Variants in WWOX observed in about 807,000 individuals in gnomAD.
The protein encoded by WWOX is WW domain containing oxidoreductase.
In WWOX, 69 loss-of-function variants were observed where a neutral mutation model predicts 46.2. The observed-to-expected ratio is 1.49, with a 90% confidence interval of 1.23 to 1.82. WWOX has a LOEUF of 1.82. WWOX is among the 40% of genes most tolerant of loss of function. The pLI, the probability that WWOX is intolerant of heterozygous loss-of-function variation, is 0.00. For missense variants in WWOX, 919 were observed against 542.6 expected (o/e 1.69, Z -6.89); for synonymous variants, 359 against 202.6 (o/e 1.77, Z -6.56).
chr16:78,768,936 T>A (rs922064711), intron 8 of WWOX, among the ~76,000 whole-genome samples: 2 of 151,968 alleles, frequency 1.3e-5, no homozygotes, highest in African/African-American at 4.8e-5. Flanking sequence ...AGGAGGACGG[T>A]TTCCATTCTG....
intron 8 of WWOX, among the ~76,000 whole-genome samples, chr16:78,793,745 C>T (rs1295464492): frequency 6.6e-6 from 1 of 151,756 alleles, no homozygotes; most frequent in Non-Finnish European, 1.5e-5. Flanking sequence ...ATAAACATTG[C>T]CTAGAAGGGT....
At chr16:79,117,918 T>C (rs1451016093) in intron 8 of WWOX, among the ~76,000 whole-genome samples, 1 of 152,252 alleles carries the variant, frequency 6.6e-6, no homozygotes, top group African/African-American at 2.4e-5. Flanking sequence ...GGTTTGATCC[T>C]GTATCCAAAC....
chr16:78,870,673 C>G (rs60750090), intron 8 of WWOX, among the ~76,000 whole-genome samples: 132 of 152,266 alleles, frequency 8.7e-4, no homozygotes, highest in African/African-American at 3.1e-3. Flanking sequence ...GCGATCTTGC[C>G]TCACGGCAAC....
intron 8 of WWOX, among the ~76,000 whole-genome samples, chr16:78,436,279 A>G (rs1337658432): frequency 6.6e-6 from 1 of 152,040 alleles, no homozygotes; most frequent in African/African-American, 2.4e-5. Flanking sequence ...GGCCCCAAAG[A>G]CTCAGGGAGA....
At chr16:79,199,351 T>C (rs1461048789) in intron 8 of WWOX, among the ~76,000 whole-genome samples, 1 of 152,172 alleles carries the variant, frequency 6.6e-6, no homozygotes, top group Non-Finnish European at 1.5e-5. Flanking sequence ...GTGTGAGCCA[T>C]GGTGCCAGGC....
intron 8 of WWOX, among the ~76,000 whole-genome samples, chr16:78,468,105 G>C (rs1338662460): frequency 2.0e-5 from 3 of 152,104 alleles, no homozygotes; most frequent in African/African-American, 7.2e-5. Flanking sequence ...ATTGCCCTCT[G>C]GGAATGTTCA....
intron 8 of WWOX, chr16:79,204,108 G>C (rs1158033310): frequency 6.6e-6 from 1 of 151,892 alleles, no homozygotes; most frequent in Non-Finnish European, 1.5e-5. Flanking sequence ...ACTTCTGCTT[G>C]GCTATTTCAA....
At chr16:79,128,149 A>C (rs1357054159) in intron 8 of WWOX, among the ~76,000 whole-genome samples, 1 of 152,144 alleles carries the variant, frequency 6.6e-6, no homozygotes, top group Non-Finnish European at 1.5e-5. Context: ...ATTTAAGAAG[A>C]AGACAATGGC....
chr16:78,315,847 A>G (rs1226950094), intron 5 of WWOX, among the ~76,000 whole-genome samples: 20 of 152,114 alleles, frequency 1.3e-4, no homozygotes, highest in Admixed American at 1.3e-3. Context: ...AGAAGATAAG[A>G]AAAATCACCA....
chr16:78,465,988 A>G (rs903116364), intron 8 of WWOX, among the ~76,000 whole-genome samples: 1 of 151,586 alleles, frequency 6.6e-6, no homozygotes, highest in Non-Finnish European at 1.5e-5. Flanking sequence ...GGCGGGGAGT[A>G]TGGAAAGCCT....
intron 8 of WWOX, among the ~76,000 whole-genome samples, chr16:78,453,452 TGATTTAAGATGG>T (rs2083740351): frequency 6.6e-6 from 1 of 151,916 alleles, no homozygotes; most frequent in African/African-American, 2.4e-5. Flanking sequence ...CTTATTCAGT[TGATTTAAGATGG>T]TTTATAAAGA....
chr16:78,548,358 A>G (rs973744627), intron 8 of WWOX, among the ~76,000 whole-genome samples: 4 of 151,878 alleles, frequency 2.6e-5, no homozygotes, highest in African/African-American at 9.7e-5. Context: ...AAAAATCCAG[A>G]TTGCTTAGAA....
chr16:78,296,539 C>G (rs550009229), intron 5 of WWOX, among the ~76,000 whole-genome samples: 2 of 150,606 alleles, frequency 1.3e-5, no homozygotes, highest in Non-Finnish European at 3.0e-5. Context: ...TTTTCATTTT[C>G]TAAAATTACA....
chr16:79,183,413 T>C (rs2050951332), intron 8 of WWOX, among the ~76,000 whole-genome samples: 1 of 152,198 alleles, frequency 6.6e-6, no homozygotes, highest in African/African-American at 2.4e-5. Flanking sequence ...GCAGATGACG[T>C]TCAGAACTGC....
intron 8 of WWOX, among the ~76,000 whole-genome samples, chr16:79,115,495 C>G (rs1323902199): frequency 6.6e-6 from 1 of 152,144 alleles, no homozygotes; most frequent in Non-Finnish European, 1.5e-5. Flanking sequence ...GTCTTTGAGC[C>G]TTTTAGCAGC....
chr16:78,414,154 A>G (rs1330022519), intron 6 of WWOX, among the ~76,000 whole-genome samples: 1 of 151,342 alleles, frequency 6.6e-6, no homozygotes, highest in African/African-American at 2.4e-5. Context: ...TGCCTGCAAG[A>G]CAAAACCCCC....
chr16:79,015,785 C>G (rs374203961), intron 8 of WWOX, among the ~76,000 whole-genome samples: 11 of 151,816 alleles, frequency 7.2e-5, no homozygotes, highest in African/African-American at 2.4e-4. Context: ...CAGACTGTCG[C>G]TCTGTCGCCA....
intron 8 of WWOX, among the ~76,000 whole-genome samples, chr16:78,631,537 A>ACTC (rs2151659708): frequency 7.8e-6 from 1 of 128,534 alleles, no homozygotes; most frequent in East Asian, 2.5e-4. Context: ...GTGTTAAAAT[A>ACTC]TTCTTTTTTT....
intron 8 of WWOX, among the ~76,000 whole-genome samples, chr16:78,441,830 T>A (rs777713076): frequency 9.9e-5 from 15 of 152,040 alleles, no homozygotes; most frequent in Non-Finnish European, 1.8e-4. Context: ...GCAGTAGAAA[T>A]TAAAGATTAT....
Sources: allele counts gnomAD v4.1 joint callset (sites outside exome capture counted in the v4.1 genomes callset), GRCh38; gene constraint gnomAD v4.1.1; transcripts MANE v1.5; gene names NCBI Gene and HGNC (gene_info 2026-07-23, HGNC 2026-07-21).